The following CRIM1 variants were observed in gnomAD, a reference collection of about 807,000 sequenced individuals.
The protein encoded by CRIM1 is cysteine rich transmembrane BMP regulator 1.
Under a neutral mutation model 116.4 loss-of-function variants are expected in CRIM1, and 32 were observed. The observed-to-expected ratio is 0.27, with a 90% CI of 0.21 to 0.37. The LOEUF (loss-of-function observed/expected upper bound fraction) is 0.37, where lower values mean the gene tolerates loss of function less well. Ranked by LOEUF, CRIM1 falls within the 10% of genes least tolerant of loss-of-function variation. The pLI is 1.00. For synonymous variants in CRIM1, 590 were observed against 509.2 expected, an observed-to-expected ratio of 1.16 and a Z score of -2.13; for missense variants, 1,331 against 1,354.8, an observed-to-expected ratio of 0.98 and a Z score of 0.28.
chr2:36,369,643 A>G lies in CRIM1; in HGVS notation c.331+13020A>G, dbSNP rs1404954915. On this transcript the variant is annotated intron_variant, in intron 1 of 16. Transcript: ENST00000280527. ...AATGTTATATGTAATATAGGTCAGA[A>G]ATGTTGCCATATAGGAACATTCGAG... Among the ~76,000 whole-genome samples, 5 of 152,222 alleles carry G rather than the reference A, an allele frequency of 3.3e-5. No homozygotes were observed. The East Asian group carries it at 7.7e-4, about 23-fold the overall frequency.
At chr2:36,483,641 A>G (rs1206016247) in intron 7 of CRIM1, among the ~76,000 whole-genome samples, 3 of 152,212 alleles carry the variant, frequency 2.0e-5, no homozygotes, top group Non-Finnish European at 4.4e-5. Context: ...AAGAGGCTCC[A>G]TCCCCCTGTA....
intron 8 of CRIM1, among the ~76,000 whole-genome samples, chr2:36,504,164 G>A (rs917740483): frequency 1.3e-5 from 2 of 152,096 alleles, no homozygotes; most frequent in African/African-American, 2.4e-5. Flanking sequence ...GTGAGGCACC[G>A]TACCTGGCCC....
chr2:36,356,783 G>C lies in CRIM1; in HGVS notation c.331+160G>C, dbSNP rs1668842489. Among the ~76,000 whole-genome samples, 1 of 152,222 alleles carries C rather than the reference G, an allele frequency of 6.6e-6. No homozygotes were observed. The highest frequency in any genetic ancestry group is 1.5e-5 in the Non-Finnish European group (1 of 68,036). On this transcript the variant is annotated intron_variant, in intron 1 of 16. Transcript: ENST00000280527. This position sits in a 1 kb window ranked among gnomAD's most constrained non-coding sequence, Gnocchi z 4.3. ...CAGGAGAGTGCCCCCGCGGCCCTGC[G>C]TTCCCTCTCCTTGTTCCCCCCGACG...
chr2:36,481,832 T>A (rs747741434), intron 7 of CRIM1, among the ~76,000 whole-genome samples: 29 of 152,204 alleles, frequency 1.9e-4, no homozygotes, highest in Non-Finnish European at 3.5e-4. Flanking sequence ...CCAGCCTAAC[T>A]CATGCCCTGC....
intron 1 of CRIM1, among the ~76,000 whole-genome samples, chr2:36,391,350 G>C (rs1309701629): frequency 6.6e-6 from 1 of 151,058 alleles, no homozygotes; most frequent in East Asian, 2.0e-4. Context: ...GGATGGTCTC[G>C]ATCTCCTGAC....
chr2:36,416,382 G>C (rs991196659), intron 2 of CRIM1, among the ~76,000 whole-genome samples: 1 of 152,188 alleles, frequency 6.6e-6, no homozygotes, highest in African/African-American at 2.4e-5. Context: ...TTGCAAGCTT[G>C]TGAGGAGAGA....
chr2:36,358,791 A>G (rs1243687055), intron 1 of CRIM1, among the ~76,000 whole-genome samples: 1 of 152,168 alleles, frequency 6.6e-6, no homozygotes, highest in Admixed American at 6.5e-5. Context: ...TACTGAAAAC[A>G]GCAGTCAACT....
chr2:36,358,126 T>C (rs1319790270), intron 1 of CRIM1, among the ~76,000 whole-genome samples: 1 of 89,986 alleles, frequency 1.1e-5, no homozygotes, highest in Non-Finnish European at 2.5e-5. Flanking sequence ...ACGTAAGACA[T>C]TGGGTTAGAA....
chr2:36,509,865 T>C (rs1243984161), intron 8 of CRIM1, 118 bp from the exon 9 acceptor site: 2 of 842,262 alleles, frequency 2.4e-6, no homozygotes, highest in East Asian at 2.5e-5. Flanking sequence ...AGTGCCATGG[T>C]AGAGCTGAGA....
At chr2:36,517,701 T>G (rs928691044) in intron 12 of CRIM1, among the ~76,000 whole-genome samples, 159 bp downstream of exon 12, 11 of 152,202 alleles carry the variant, frequency 7.2e-5, no homozygotes, top group African/African-American at 2.7e-4. Flanking sequence ...CTGCATGTAT[T>G]CTCTTTATCA....
At chr2:36,384,257 G>A (rs1671002995) in intron 1 of CRIM1, among the ~76,000 whole-genome samples, 1 of 152,236 alleles carries the variant, frequency 6.6e-6, no homozygotes, top group Non-Finnish European at 1.5e-5. Flanking sequence ...GGCTGCAGTA[G>A]CCGGGGAAGG....
intron 16 of CRIM1, 145 bp from the exon 17 acceptor site, chr2:36,548,380 A>C (rs1667505633): frequency 2.0e-6 from 1 of 505,144 alleles, no homozygotes; most frequent in East Asian, 3.3e-5. Context: ...GTACTAGAAC[A>C]AGATGTGATA....
Position 36,549,473 on chromosome 2 carries a change from C to T in CRIM1, c.*772C>T, listed in dbSNP as rs1285166890. 1 of 148,036 alleles carries T rather than the reference C, an allele frequency of 6.8e-6. No homozygotes were observed. Among genetic ancestry groups the T allele is most frequent in the Non-Finnish European group, 1.5e-5 (1 of 66,602 alleles). The allele number at this position is 148,036 out of a possible 1,614,324, so 9.2% of individuals were successfully genotyped here. On this transcript the variant is annotated 3_prime_UTR_variant, in exon 17 of 17. Coordinates refer to ENST00000280527, the MANE Select transcript of CRIM1 (RefSeq NM_016441.3). ...TCATTTCTTGATGTGAGCACTGGAG[C>T]TTTTTTTTTTTTACAACGTGACAGG...
intron 2 of CRIM1, among the ~76,000 whole-genome samples, chr2:36,436,818 T>C (rs1176178270): frequency 6.6e-6 from 1 of 152,090 alleles, no homozygotes; most frequent in East Asian, 1.9e-4. Context: ...AGTAAGACTA[T>C]AAATTAAAAA....
intron 5 of CRIM1, among the ~76,000 whole-genome samples, chr2:36,473,031 T>C (rs1678655305): frequency 6.6e-6 from 1 of 152,196 alleles, no homozygotes; most frequent in Non-Finnish European, 1.5e-5. Flanking sequence ...ACTGCCTCAT[T>C]CATGTGACTT....
intron 11 of CRIM1, among the ~76,000 whole-genome samples, chr2:36,515,689 T>A (rs1664990949): frequency 6.6e-6 from 1 of 152,266 alleles, no homozygotes; most frequent in South Asian, 2.1e-4. Context: ...TGTCTCCATG[T>A]CTCTGGCCCC....
intron 1 of CRIM1, among the ~76,000 whole-genome samples, chr2:36,363,923 A>G (rs1669417657): frequency 6.6e-6 from 1 of 152,152 alleles, no homozygotes. Context: ...AGGATTATCC[A>G]TTCCTCTTGT....
At chr2:36,548,459 C>T in intron 16 of CRIM1, 66 bp from the exon 17 acceptor site, 1 of 1,231,500 alleles carries the variant, frequency 8.1e-7, no homozygotes, top group East Asian at 2.4e-5. Flanking sequence ...TACTAAATTT[C>T]TGTTCATTTG....
Position 36,463,606 on chromosome 2 carries a change from T to C in CRIM1, c.870-928T>C, listed in dbSNP as rs577204528. Among the ~76,000 whole-genome samples the C allele has an allele frequency of 1.2e-4, 18 of 152,334 alleles. No individual in the cohort carries two copies. The South Asian group carries it at 3.7e-3, about 32-fold the overall frequency. On this transcript the variant is annotated intron_variant, in intron 4 of 16. Coordinates refer to ENST00000280527, the MANE Select transcript of CRIM1 (RefSeq NM_016441.3). ...AAATCTAGCGGCTCTTTCCTCATCT[T>C]ACATTCACATGCTGACACCCAGCTG...
Sources: gnomAD v4.1 joint callset for allele counts (sites outside exome capture counted in the v4.1 genomes callset) on GRCh38, gnomAD v4.1.1 for gene constraint, Gnocchi (gnomAD v3.1) non-coding constraint, MANE v1.5 for transcripts, NCBI Gene and HGNC (gene_info 2026-07-23, HGNC 2026-07-21) for gene names.